Variants in GRM5 observed in about 807,000 individuals in gnomAD.
GRM5 encodes metabotropic glutamate receptor 5.
Under a neutral mutation model 83.1 loss-of-function variants are expected in GRM5, and 19 were observed. That is an observed-to-expected ratio of 0.23 (90% CI 0.16 to 0.34). The LOEUF is 0.34. Ranked by LOEUF, GRM5 falls within the 10% of genes least tolerant of loss-of-function variation. GRM5 has a pLI of 1.00. For synonymous variants in GRM5, 675 were observed against 633.6 expected (o/e 1.07, Z -0.98); for missense variants, 1,160 against 1,588.3 (o/e 0.73, Z 4.58).
In GRM5 at chr11:89,047,486, A is replaced by G. The variant is rs747049021; in HGVS notation, c.387T>C (p.Cys129=). 1 of 1,614,196 alleles carries G rather than the reference A, an allele frequency of 6.2e-7. No homozygotes were observed. ...GGAAGGAAGAGGAGGAGCCATCCAC[A>G]CAGCGTACCAAGCCTTCTTCCTCTT... ...SSEEEEGLVR[C]VDGSSSSFRS... The change falls in exon 2 of 10, where the codon TGT becomes TGC. Residue 129 remains cysteine (C), a synonymous_variant. Coordinates refer to ENST00000305447, the MANE Select transcript of GRM5 (RefSeq NM_001143831.3). The surrounding 1 kb of genome is among the most constrained non-coding windows in gnomAD (Gnocchi z 5.1).
At chr11:88,877,129 G>A (rs1355296364) in intron 2 of GRM5, among the ~76,000 whole-genome samples, 1 of 152,008 alleles carries the variant, frequency 6.6e-6, no homozygotes, top group Non-Finnish European at 1.5e-5. Flanking sequence ...TTAGATAGGA[G>A]GAATGAGTTC....
intron 3 of GRM5, among the ~76,000 whole-genome samples, chr11:88,845,731 C>A (rs1944294424): frequency 1.3e-5 from 2 of 151,734 alleles, no homozygotes; most frequent in South Asian, 4.1e-4. Context: ...CCGCGCCCCC[C>A]CCCACTTTTT....
At chr11:88,542,883 A>G (rs1942300148) in intron 8 of GRM5, among the ~76,000 whole-genome samples, 1 of 152,314 alleles carries the variant, frequency 6.6e-6, no homozygotes, top group African/African-American at 2.4e-5. Context: ...AGCCTGGCCA[A>G]CATGGTGAAA....
chr11:89,015,847 C>G (rs1346222471), intron 2 of GRM5, among the ~76,000 whole-genome samples: 1 of 152,170 alleles, frequency 6.6e-6, no homozygotes, highest in African/African-American at 2.4e-5. Flanking sequence ...GCTGTTCTCA[C>G]CTTGACTCTA....
At chr11:89,025,527 T>C (rs1941110722) in intron 2 of GRM5, among the ~76,000 whole-genome samples, 1 of 152,210 alleles carries the variant, frequency 6.6e-6, no homozygotes, top group Non-Finnish European at 1.5e-5. Context: ...GCTTACAAAA[T>C]GCATCAGATG....
intron 3 of GRM5, among the ~76,000 whole-genome samples, chr11:88,756,278 A>G (rs1942392364): frequency 1.3e-5 from 2 of 152,196 alleles, no homozygotes; most frequent in South Asian, 4.1e-4. Flanking sequence ...CAATACTCAA[A>G]TTTACAGATG....
At chr11:88,926,812 C>T (rs902867478) in intron 2 of GRM5, among the ~76,000 whole-genome samples, 5 of 152,092 alleles carry the variant, frequency 3.3e-5, no homozygotes, top group African/African-American at 9.7e-5. Flanking sequence ...CATTGTTTAT[C>T]GCACACCTAG....
At chr11:88,883,612 A>C (rs1341011478) in intron 2 of GRM5, among the ~76,000 whole-genome samples, 1 of 152,208 alleles carries the variant, frequency 6.6e-6, no homozygotes, top group Non-Finnish European at 1.5e-5. Context: ...AATTTGCATA[A>C]GTAACAAGAA....
intron 1 of GRM5, among the ~76,000 whole-genome samples, chr11:89,064,888 C>CTCTCTCTG (rs1218318990): frequency 1.9e-4 from 12 of 62,268 alleles, no homozygotes; most frequent in African/African-American, 5.5e-4. Flanking sequence ...CTCTCTCTCT[C>CTCTCTCTG]TGTGTGTGTG....
intron 3 of GRM5, among the ~76,000 whole-genome samples, chr11:88,678,726 A>G (rs969954414): frequency 1.3e-5 from 2 of 152,150 alleles, no homozygotes; most frequent in Admixed American, 1.3e-4. Context: ...GAAGAAACTG[A>G]TTTTATCTAC....
chr11:89,064,920 G>C (rs1280030963), intron 1 of GRM5, among the ~76,000 whole-genome samples: 3 of 58,200 alleles, frequency 5.2e-5, no homozygotes, highest in South Asian at 1.2e-3. Flanking sequence ...GTGTGTGAGA[G>C]AGAGAGAGAG....
Position 88,741,767 on chromosome 11 carries a change from A to G in GRM5, c.912-88364T>C, listed in dbSNP as rs77865244. Among the ~76,000 whole-genome samples, 5 of 152,152 alleles carry G rather than the reference A, an allele frequency of 3.3e-5. No individual in the cohort carries two copies. The East Asian group carries it at 9.7e-4, about 29-fold the overall frequency. ...TGAGGTAGTTCTCTAATAAGTACTGAGCGCACATGGAAAGCAGTAGTGGCT... is the reference window on the plus strand; with the variant it reads ...TGAGGTAGTTCTCTAATAAGTACTGGGCGCACATGGAAAGCAGTAGTGGCT... On this transcript the variant is annotated intron_variant, in intron 3 of 9. Coordinates refer to ENST00000305447, the MANE Select transcript of GRM5 (RefSeq NM_001143831.3).
chr11:88,637,993 A>T (rs1013168992), intron 4 of GRM5, among the ~76,000 whole-genome samples: 2 of 152,012 alleles, frequency 1.3e-5, no homozygotes. Flanking sequence ...TGATTAGTTC[A>T]TGTCCTTTTT....
Position 88,544,082 on chromosome 11 carries a change from C to T in GRM5, c.2631-18678G>A, listed in dbSNP as rs7928034. On this transcript the variant is annotated intron_variant, in intron 8 of 9. Coordinates refer to ENST00000305447, the MANE Select transcript of GRM5 (RefSeq NM_001143831.3). Reference sequence around the variant, plus strand: ...TCTCACTCTCTCTCTCTCTCACACACACACATACACATACACATACACATG... The same window carrying T: ...TCTCACTCTCTCTCTCTCTCACACATACACATACACATACACATACACATG... 2.2e-3 allele frequency among the ~76,000 whole-genome samples: 337 copies of T among 152,224 alleles called. 4 individuals are homozygous for T. Among genetic ancestry groups the T allele is most frequent in the African/African-American group, 7.7e-3 (319 of 41,512 alleles).
At chr11:88,798,799 A>G (rs2135483401) in intron 3 of GRM5, among the ~76,000 whole-genome samples, 1 of 127,972 alleles carries the variant, frequency 7.8e-6, no homozygotes, top group Admixed American at 8.1e-5. Flanking sequence ...TACCTAATGA[A>G]AACACCAAAA....
intron 8 of GRM5, among the ~76,000 whole-genome samples, chr11:88,529,036 C>A (rs1204013168): frequency 6.6e-6 from 1 of 152,068 alleles, no homozygotes; most frequent in Non-Finnish European, 1.5e-5. Flanking sequence ...CTTTTCTCTT[C>A]TTGACCCCGT....
intron 9 of GRM5, among the ~76,000 whole-genome samples, chr11:88,519,978 C>A (rs554093283): frequency 1.5e-3 from 223 of 152,248 alleles, no homozygotes; most frequent in Middle Eastern, 3.4e-3. Context: ...AAATGACACT[C>A]CGTGGTCACA....
chr11:88,586,475 G>A (rs1943318102), intron 7 of GRM5, among the ~76,000 whole-genome samples: 1 of 152,136 alleles, frequency 6.6e-6, no homozygotes, highest in South Asian at 2.1e-4. Context: ...TCACAATGAA[G>A]GCACTGACCC....
chr11:88,928,917 C>A (rs1393500530), intron 2 of GRM5, among the ~76,000 whole-genome samples: 1 of 107,138 alleles, frequency 9.3e-6, no homozygotes, highest in Non-Finnish European at 2.2e-5. Flanking sequence ...TACACACACA[C>A]ACACACACAC....
Sources: allele counts gnomAD v4.1 joint callset (sites outside exome capture counted in the v4.1 genomes callset), GRCh38; gene constraint gnomAD v4.1.1; non-coding constraint Gnocchi (gnomAD v3.1); transcripts MANE v1.5; gene names NCBI Gene and HGNC (gene_info 2026-07-23, HGNC 2026-07-21).